The following EZR variants were observed in gnomAD, a reference collection of about 807,000 sequenced individuals.
EZR encodes cytovillin 2.
In EZR, 40 loss-of-function variants were observed where a neutral mutation model predicts 74.8. The observed-to-expected ratio is 0.53, with a 90% CI of 0.42 to 0.70. The LOEUF (loss-of-function observed/expected upper bound fraction) is 0.70, where lower values mean the gene tolerates loss of function less well. Ranked by LOEUF, EZR falls within the 30% of genes least tolerant of loss-of-function variation. The probability of loss-of-function intolerance (pLI) is 0.00; values close to 1 mark genes in which losing one functional copy is unlikely to be tolerated. For missense variants in EZR, 678 were observed against 755.8 expected, an observed-to-expected ratio of 0.90 and a Z score of 1.21; for synonymous variants, 341 against 283.3, an observed-to-expected ratio of 1.20 and a Z score of -2.05.
At chr6:158,803,582 CATATATATATATATATATATATACATAT>C in intron 2 of EZR, among the ~76,000 whole-genome samples, 1 of 43,670 alleles carries the variant, frequency 2.3e-5, no homozygotes, top group South Asian at 8.5e-4. Flanking sequence ...TATATATATA[CATATATATATATATATATATATACATAT>C]ATATATATAT....
intron 2 of EZR, among the ~76,000 whole-genome samples, chr6:158,809,065 C>T (rs373805921): frequency 1.3e-5 from 2 of 152,214 alleles, no homozygotes; most frequent in Non-Finnish European, 2.9e-5. Context: ...CCACTGCACT[C>T]GTGCTTGAGC....
chr6:158,784,538 C>A (rs1791515901), intron 6 of EZR, 106 bp downstream of exon 6: 6 of 1,000,102 alleles, frequency 6.0e-6, no homozygotes, highest in African/African-American at 1.6e-5. Flanking sequence ...AAGGTCTTCA[C>A]AAGGCCTGAC....
At chr6:158,812,638 T>TG (rs1354772659) in intron 2 of EZR, among the ~76,000 whole-genome samples, 1 of 152,182 alleles carries the variant, frequency 6.6e-6, no homozygotes, top group African/African-American at 2.4e-5. Context: ...TTTAATATTT[T>TG]GGGGGGCAGT....
rs184118061 is a variant in EZR at position 158,790,462 on chromosome 6, G to A, written c.13-1091C>T. Among the ~76,000 whole-genome samples, 130 of 152,324 alleles carry A rather than the reference G, an allele frequency of 8.5e-4. 1 individual carries two copies. The highest frequency in any genetic ancestry group is 2.9e-3 in the African/African-American group (122 of 41,576). On this transcript the variant is annotated intron_variant, in intron 2 of 13. Coordinates refer to ENST00000367075, the MANE Select transcript of EZR (RefSeq NM_001111077.2). ...GGCCGAGGCAGGTGGACCACTTGAG[G>A]TCAGGAGTTCAAGACCAGCCTGGCT...
chr6:158,771,439 A>G, intron 8 of EZR, 32 bp from the exon 9 acceptor site: 1 of 1,545,792 alleles, frequency 6.5e-7, no homozygotes, highest in Non-Finnish European at 8.7e-7. Context: ...CCTGGACTCA[A>G]GCTCCTTCGT....
intron 2 of EZR, among the ~76,000 whole-genome samples, chr6:158,805,191 T>A (rs1207958382): frequency 2.0e-5 from 3 of 151,712 alleles, no homozygotes; most frequent in Admixed American, 2.0e-4. Flanking sequence ...ATACAAAAAT[T>A]AGCCGGGCAT....
rs1790890446 is a variant in EZR at position 158,766,885 on chromosome 6, C to A, written c.*29G>T. 2.5e-6 allele frequency: 4 copies of A among 1,605,004 alleles called. No individual in the cohort carries two copies. The highest frequency in any genetic ancestry group is 3.4e-6 in the Non-Finnish European group (4 of 1,173,518). ...GGGCTGGCAGCGCCCGCTATGAGCA[C>A]CCCTCTGCCCTTGGTCCTGGCCTGG... is the stretch of plus-strand genomic sequence containing the variant. On this transcript the variant is annotated 3_prime_UTR_variant, in exon 14 of 14. Transcript: ENST00000367075.
chr6:158,768,392 T>A (rs1037239611), intron 12 of EZR, among the ~76,000 whole-genome samples: 1 of 53,578 alleles, frequency 1.9e-5, no homozygotes, highest in Non-Finnish European at 5.5e-5. Flanking sequence ...TTATAGCCGT[T>A]GTGAGAACAG....
At position 158,785,521 on chromosome 6, in the gene EZR, G is replaced by A; in HGVS notation, c.255C>T (p.Tyr85=). The A allele has an allele frequency of 6.2e-7, 1 of 1,614,180 alleles. No individual in the cohort carries two copies. The highest frequency in any genetic ancestry group is 8.5e-7 in the Non-Finnish European group (1 of 1,180,042). ...TGAGCTCCTCAGCCACATCTTCAGGGTAGAACTTGGCCCGGAACTTGAACT... is the reference window on the plus strand; with the variant it reads ...TGAGCTCCTCAGCCACATCTTCAGGATAGAACTTGGCCCGGAACTTGAACT... ...PLQFKFRAKF[Y]PEDVAEELIQ... Residue 85 remains tyrosine (Y), a synonymous_variant, in exon 5 of 14, where the codon TAC becomes TAT. Coordinates refer to ENST00000367075, the MANE Select transcript of EZR (RefSeq NM_001111077.2).
chr6:158,806,703 T>G (rs1043801479), intron 2 of EZR, among the ~76,000 whole-genome samples: 1 of 152,244 alleles, frequency 6.6e-6, no homozygotes, highest in African/African-American at 2.4e-5. Flanking sequence ...GTTCAAGTTA[T>G]ATAATGCACC....
chr6:158,786,519 C>T (rs1314600606), intron 4 of EZR, among the ~76,000 whole-genome samples: 1 of 152,234 alleles, frequency 6.6e-6, no homozygotes, highest in Non-Finnish European at 1.5e-5. Flanking sequence ...ACCCCAGTGA[C>T]CTGGAATGGG....
chr6:158,814,973 C>A (rs938326755), intron 2 of EZR, among the ~76,000 whole-genome samples: 1 of 152,180 alleles, frequency 6.6e-6, no homozygotes, highest in African/African-American at 2.4e-5. Context: ...ATCAAAAATA[C>A]TTTGCCCGTT....
At chr6:158,795,432 ATTGTAT>A (rs1054887982) in intron 2 of EZR, among the ~76,000 whole-genome samples, 90 of 151,832 alleles carry the variant, frequency 5.9e-4, no homozygotes, top group African/African-American at 2.2e-3. Flanking sequence ...AAAAAAAAAA[ATTGTAT>A]TTGTGTTATT....
intron 2 of EZR, among the ~76,000 whole-genome samples, chr6:158,795,965 T>G (rs1777061872): frequency 6.6e-6 from 1 of 152,316 alleles, no homozygotes; most frequent in Non-Finnish European, 1.5e-5. Context: ...CTAGATGGCT[T>G]GAGGCCTTTT....
chr6:158,816,368 CATTATGA>C (rs762871657), intron 2 of EZR, among the ~76,000 whole-genome samples: 3 of 152,150 alleles, frequency 2.0e-5, no homozygotes, highest in Non-Finnish European at 4.4e-5. Context: ...AATTACCATT[CATTATGA>C]GAAATGAGAA....
chr6:158,767,132 C>T (rs1038381051), intron 13 of EZR, 54 bp from the exon 14 acceptor site: 24 of 1,602,394 alleles, frequency 1.5e-5, no homozygotes, highest in African/African-American at 6.7e-5. Context: ...TGGCCCGGCC[C>T]GTCCCCTAGG....
chr6:158,811,944 G>A (rs183811031), intron 2 of EZR, among the ~76,000 whole-genome samples: 27 of 151,960 alleles, frequency 1.8e-4, no homozygotes, highest in African/African-American at 5.8e-4. Context: ...AGAGGAACAA[G>A]GAATGGGATC....
chr6:158,774,166 C>A (rs910005521), intron 8 of EZR, among the ~76,000 whole-genome samples: 1 of 152,132 alleles, frequency 6.6e-6, no homozygotes, highest in Non-Finnish European at 1.5e-5. Flanking sequence ...AGTTCGATGT[C>A]GAAAACTTGA....
rs569835081 is a variant in EZR at position 158,812,020 on chromosome 6, A to G, written c.12+6062T>C. The stretch of plus-strand genomic sequence containing the variant: ...TTTTTCTCTTTGAAAACAAAGAGCC[A>G]AAATGTGAGAGACCACTGGGCACTG... On this transcript the variant is annotated intron_variant, in intron 2 of 13. Coordinates refer to ENST00000367075, the MANE Select transcript of EZR (RefSeq NM_001111077.2). 3.2e-4 allele frequency among the ~76,000 whole-genome samples: 48 copies of G among 150,534 alleles called. No individual in the cohort carries two copies. The Middle Eastern group carries it at 0.014, about 43-fold the overall frequency.
Sources: gnomAD v4.1 joint callset for allele counts (sites outside exome capture counted in the v4.1 genomes callset) on GRCh38, gnomAD v4.1.1 for gene constraint, MANE v1.5 for transcripts, NCBI Gene and HGNC (gene_info 2026-07-23, HGNC 2026-07-21) for gene names.